The following SLC4A4 variants were observed in gnomAD, a reference collection of about 807,000 sequenced individuals.
The protein encoded by SLC4A4 is electrogenic sodium bicarbonate cotransporter 1.
In SLC4A4, 27 loss-of-function variants were observed where a neutral mutation model predicts 111.5. The observed-to-expected ratio is 0.24, with a 90% CI of 0.18 to 0.33. The LOEUF (loss-of-function observed/expected upper bound fraction) is 0.33. SLC4A4 is among the 10% of genes least tolerant of loss of function. The pLI is 1.00. For synonymous variants in SLC4A4, 443 were observed against 463.4 expected (o/e 0.96, Z 0.57); for missense variants, 909 against 1,315.5 (o/e 0.69, Z 4.78).
chr4:71,555,152 C>A lies in SLC4A4; in HGVS notation c.2707C>A (p.Pro903Thr). ...TTTTTCCTTCTAGTTTATACCCATG[C>A]CTGTACTCTATGGTGTGTTCCTGTA... ...MAPILKFIPM[P>T]VLYGVFLYMG... The change falls in exon 21 of 26, where the codon CCT becomes ACT. Residue 903 changes from proline to threonine, a missense_variant. Coordinates refer to ENST00000264485, the MANE Select transcript of SLC4A4 (RefSeq NM_001098484.3). 6.2e-7 allele frequency: 1 copy of A among 1,608,650 alleles called. No individual in the cohort carries two copies. Among genetic ancestry groups the A allele is most frequent in the Non-Finnish European group, 8.5e-7 (1 of 1,175,850 alleles).
chr4:71,356,957 CTT>C (rs766698222), intron 5 of SLC4A4, 49 bp from the exon 6 acceptor site: 1 of 1,555,010 alleles, frequency 6.4e-7, no homozygotes, highest in East Asian at 2.2e-5. Context: ...AAAAAAATAA[CTT>C]TGTGGTCTTG....
intron 12 of SLC4A4, among the ~76,000 whole-genome samples, chr4:71,461,990 G>A (rs1288803207): frequency 6.6e-6 from 1 of 152,106 alleles, no homozygotes; most frequent in East Asian, 1.9e-4. Context: ...GGGAAATACT[G>A]TAGACCTAAA....
intron 3 of SLC4A4, among the ~76,000 whole-genome samples, chr4:71,286,024 G>GTGGGTGGA (rs1723886975): frequency 6.6e-6 from 1 of 152,108 alleles, no homozygotes. Flanking sequence ...GGATCACGAG[G>GTGGGTGGA]TCAGAAGATC....
intron 4 of SLC4A4, among the ~76,000 whole-genome samples, chr4:71,347,321 G>C (rs1302301421): frequency 6.6e-6 from 1 of 152,114 alleles, no homozygotes; most frequent in African/African-American, 2.4e-5. Context: ...AGGATTGTCT[G>C]AGCCTATTCA....
At chr4:71,379,379 T>C (rs1230336575) in intron 6 of SLC4A4, among the ~76,000 whole-genome samples, 1 of 152,218 alleles carries the variant, frequency 6.6e-6, no homozygotes, top group African/African-American at 2.4e-5. Context: ...TTAGATCCCA[T>C]GCCTTGCAAT....
intron 7 of SLC4A4, among the ~76,000 whole-genome samples, chr4:71,424,734 C>T (rs923458411): frequency 2.0e-5 from 3 of 151,926 alleles, no homozygotes; most frequent in East Asian, 1.9e-4. Context: ...AGTAAACTAT[C>T]GCAAGAACAA....
At chr4:71,366,253 T>C (rs953475593) in intron 6 of SLC4A4, among the ~76,000 whole-genome samples, 1 of 151,938 alleles carries the variant, frequency 6.6e-6, no homozygotes, top group Non-Finnish European at 1.5e-5. Flanking sequence ...AACTTCACCA[T>C]GAATAAAATT....
chr4:71,077,409 A>G (rs1741863611), intron 1 of SLC4A4, among the ~76,000 whole-genome samples: 1 of 152,008 alleles, frequency 6.6e-6, no homozygotes, highest in Non-Finnish European at 1.5e-5. Flanking sequence ...GATCCCTCCC[A>G]CCTTGGCCTC....
At chr4:71,424,554 T>C (rs1242562141) in intron 7 of SLC4A4, among the ~76,000 whole-genome samples, 37 of 152,042 alleles carry the variant, frequency 2.4e-4, no homozygotes, top group Non-Finnish European at 4.1e-4. Flanking sequence ...ATGTTTATTG[T>C]GGCACTATTC....
chr4:71,495,806 A>G (rs6857491), intron 15 of SLC4A4, among the ~76,000 whole-genome samples: 109,374 of 151,890 alleles, frequency 0.72, 40,491 homozygotes, highest in Non-Finnish European at 0.82. Flanking sequence ...TTCTGATAGC[A>G]TATGACATAT....
chr4:71,472,950 C>A lies in SLC4A4; in HGVS notation c.1883C>A (p.Thr628Asn). 6.2e-7 allele frequency: 1 copy of A among 1,612,964 alleles called. No homozygotes were observed. The highest frequency in any genetic ancestry group is 8.5e-7 in the Non-Finnish European group (1 of 1,179,364). The change falls in exon 14 of 26, where the codon ACC (threonine) becomes AAC (asparagine). Residue 628 changes from threonine (T) to asparagine (N), a missense_variant. Around this residue, in one of 7 missense-constraint regions of SLC4A4, gnomAD observed 264 missense variants for 356.8 expected, o/e 0.74. Transcript: ENST00000264485. ...GGCTACAACACTCTCTTTTCCTGTA[C>A]CTGTGTGCCACCTGACCCAGGTGAG... ...KVGYNTLFSC[T>N]CVPPDPANIS...
chr4:71,232,981 A>G (rs1719542156), intron 1 of SLC4A4, among the ~76,000 whole-genome samples: 1 of 152,274 alleles, frequency 6.6e-6, no homozygotes, highest in Admixed American at 6.5e-5. Context: ...ATGTACGTGC[A>G]GTAGCACAGG....
chr4:71,475,263 T>A (rs1341508727), intron 14 of SLC4A4, among the ~76,000 whole-genome samples: 2 of 151,772 alleles, frequency 1.3e-5, no homozygotes, highest in African/African-American at 2.4e-5. Context: ...CATACCTACC[T>A]GAGGCGAATG....
At chr4:71,209,420 G>A (rs17747352) in intron 1 of SLC4A4, among the ~76,000 whole-genome samples, 7,024 of 152,192 alleles carry the variant, frequency 0.046, 203 homozygotes, top group East Asian at 0.082. Context: ...TCAAGTGAAG[G>A]GTGTCTGAGG....
At chr4:71,302,505 A>G (rs1261481331) in intron 3 of SLC4A4, among the ~76,000 whole-genome samples, 2 of 152,244 alleles carry the variant, frequency 1.3e-5, no homozygotes, top group Admixed American at 1.3e-4. Context: ...AAAAGTATAA[A>G]GCAGCAAACT....
At chr4:71,113,559 T>A (rs1331814758) in intron 2 of SLC4A4, among the ~76,000 whole-genome samples, 1 of 152,178 alleles carries the variant, frequency 6.6e-6, no homozygotes, top group Non-Finnish European at 1.5e-5. Flanking sequence ...TCTGCCCAGC[T>A]CCCCTGTGCA....
intron 2 of SLC4A4, among the ~76,000 whole-genome samples, chr4:71,149,955 G>A (rs987894157): frequency 6.6e-6 from 1 of 151,982 alleles, no homozygotes; most frequent in African/African-American, 2.4e-5. Flanking sequence ...TAAAACTAAT[G>A]TTCTTTATTT....
chr4:71,252,374 T>G (rs1371475374), intron 2 of SLC4A4, among the ~76,000 whole-genome samples: 2 of 152,154 alleles, frequency 1.3e-5, no homozygotes, highest in Non-Finnish European at 2.9e-5. Flanking sequence ...GAAGCTGAAG[T>G]GAGAGAGGCT....
At chr4:71,547,039 G>T (rs188620251) in intron 19 of SLC4A4, among the ~76,000 whole-genome samples, 107 of 152,092 alleles carry the variant, frequency 7.0e-4, no homozygotes, top group African/African-American at 2.5e-3. Context: ...AGCAAACTCT[G>T]CTCATAAGTG....
Sources: allele counts gnomAD v4.1 joint callset (sites outside exome capture counted in the v4.1 genomes callset), GRCh38; gene constraint gnomAD v4.1.1; regional missense constraint gnomAD v4.1.1; transcripts MANE v1.5; gene names NCBI Gene and HGNC (gene_info 2026-07-23, HGNC 2026-07-21).